Variants in TAOK3 observed in about 807,000 individuals in gnomAD.
The protein encoded by TAOK3 is TAO kinase 3.
In TAOK3, 40 loss-of-function variants were observed where a neutral mutation model predicts 120.4. The ratio of observed to expected loss-of-function variants is 0.33; its 90% confidence interval spans 0.26 to 0.43. The LOEUF is 0.43. Among genes scored for constraint, TAOK3 ranks in the 20% least tolerant of loss-of-function variants. The probability of loss-of-function intolerance (pLI) is 1.00; values close to 1 mark genes in which losing one functional copy is unlikely to be tolerated. For missense variants in TAOK3, 821 were observed against 1,112.1 expected, an observed-to-expected ratio of 0.74 and a Z score of 3.72; for synonymous variants, 355 against 387.5, an observed-to-expected ratio of 0.92 and a Z score of 0.99.
chr12:118,249,961 T>G (rs543995229), intron 3 of TAOK3, among the ~76,000 whole-genome samples: 1 of 152,220 alleles, frequency 6.6e-6, no homozygotes. Context: ...AGGTGGGTTA[T>G]GGATAATATA....
At chr12:118,368,865 A>G (rs1458943118) in intron 1 of TAOK3, among the ~76,000 whole-genome samples, 1 of 151,328 alleles carries the variant, frequency 6.6e-6, no homozygotes, top group Admixed American at 6.6e-5. Flanking sequence ...AAAAGTTTAA[A>G]TAAACAAAAG....
rs1007783139 is a variant in TAOK3, at chr12:118,161,696, T to C, written c.2139+92A>G. The C allele has an allele frequency of 6.5e-5, 98 of 1,517,742 alleles. No individual in the cohort carries two copies. Among genetic ancestry groups the C allele is most frequent in the South Asian group, 5.5e-4 (45 of 81,176 alleles). The allele number at this position is 1,517,742 out of a possible 1,614,324, so 94.0% of individuals were successfully genotyped here. On this transcript the variant is annotated intron_variant, in intron 18 of 20. Coordinates refer to ENST00000392533, the MANE Select transcript of TAOK3 (RefSeq NM_016281.4). The surrounding 1 kb of genome is among the most constrained non-coding windows in gnomAD (Gnocchi z 4.5). The stretch of plus-strand genomic sequence containing the variant: ...ACAATAGGTGTGGGGTGCAGAAATT[T>C]GTGATTCTGAAAAGTTGCTCAGGTG...
rs2045329317 is a variant in TAOK3 at position 118,354,911 on chromosome 12, T to TA, written c.-194+17736dup. 2.6e-5 allele frequency among the ~76,000 whole-genome samples: 4 copies of TA among 151,914 alleles called. No individual in the cohort carries two copies. In the South Asian group the frequency reaches 8.3e-4, roughly 32 times the overall value. On this transcript the variant is annotated intron_variant, in intron 1 of 20. Coordinates refer to ENST00000392533, the MANE Select transcript of TAOK3 (RefSeq NM_016281.4). ...TATTAGCAGCGTGAAAACAGACTAA[T>TA]ACATCCTGTCTCTGCAATTTTTTTT...
intron 17 of TAOK3, among the ~76,000 whole-genome samples, chr12:118,165,497 C>A (rs893520811): frequency 6.6e-6 from 1 of 152,218 alleles, no homozygotes; most frequent in African/African-American, 2.4e-5. Context: ...ATACTGTCCA[C>A]AGAATACCTA....
intron 2 of TAOK3, among the ~76,000 whole-genome samples, chr12:118,263,353 A>AT (rs2140239613): frequency 6.6e-6 from 1 of 152,368 alleles, no homozygotes; most frequent in East Asian, 1.9e-4. Flanking sequence ...CAAATAGGTT[A>AT]TAGAACTAAA....
At chr12:118,214,824 C>T (rs192902598) in intron 9 of TAOK3, among the ~76,000 whole-genome samples, 1 of 151,132 alleles carries the variant, frequency 6.6e-6, no homozygotes, top group Admixed American at 6.6e-5. Flanking sequence ...CAGCTCACTA[C>T]AACCTCCGCC....
At chr12:118,362,317 T>TAAA (rs10652375) in intron 1 of TAOK3, among the ~76,000 whole-genome samples, 12,089 of 105,198 alleles carry the variant, frequency 0.11, 704 homozygotes, top group Middle Eastern at 0.18. Flanking sequence ...GCTGATGGGC[T>TAAA]AAAAAAAAAA....
intron 1 of TAOK3, among the ~76,000 whole-genome samples, chr12:118,322,718 C>CTTTTT (rs199608892): frequency 1.5e-3 from 145 of 93,800 alleles, no homozygotes; most frequent in South Asian, 2.2e-3. Context: ...ATTTAAAAAC[C>CTTTTT]TTTTTTTTTT....
chr12:118,348,842 TTTC>T (rs2044997738), intron 1 of TAOK3, among the ~76,000 whole-genome samples: 1 of 149,700 alleles, frequency 6.7e-6, no homozygotes, highest in Non-Finnish European at 1.5e-5. Flanking sequence ...AAAAAAATAA[TTTC>T]TTTTTTTTTT....
At chr12:118,262,199 C>G (rs1164573080) in intron 2 of TAOK3, among the ~76,000 whole-genome samples, 6 of 151,868 alleles carry the variant, frequency 4.0e-5, no homozygotes, top group Non-Finnish European at 8.8e-5. Flanking sequence ...AAATGAAAAT[C>G]AAGGCCAGGC....
chr12:118,233,282 T>G, intron 9 of TAOK3, among the ~76,000 whole-genome samples: 1 of 149,028 alleles, frequency 6.7e-6, no homozygotes, highest in South Asian at 2.2e-4. Flanking sequence ...GGGATAGCAT[T>G]AGGAGATATA....
At chr12:118,317,651 G>A (rs2043526651) in intron 1 of TAOK3, among the ~76,000 whole-genome samples, 1 of 151,984 alleles carries the variant, frequency 6.6e-6, no homozygotes, top group Admixed American at 6.6e-5. Flanking sequence ...TCAGGAGCTA[G>A]AAAACTTAAT....
chr12:118,288,635 G>A (rs1245713347), intron 1 of TAOK3, among the ~76,000 whole-genome samples: 1 of 152,162 alleles, frequency 6.6e-6, no homozygotes, highest in Admixed American at 6.5e-5. Flanking sequence ...ACATGCTTAA[G>A]CCAGGGGCGG....
chr12:118,371,421 T>C lies in TAOK3; in HGVS notation c.-194+1227A>G, dbSNP rs532599220. On this transcript the variant is annotated intron_variant, in intron 1 of 20. Transcript: ENST00000392533. The surrounding 1 kb of genome is among the most constrained non-coding windows in gnomAD (Gnocchi z 5.5). The stretch of plus-strand genomic sequence containing the variant: ...GAAGAGGTCAGGCCGCGCAGGTCTC[T>C]TGATCATTCCAAGATCTTTGTCCTG... Among the ~76,000 whole-genome samples the C allele has an allele frequency of 1.6e-4, 24 of 152,184 alleles. No individual in the cohort carries two copies. The highest frequency in any genetic ancestry group is 2.2e-4 in the Non-Finnish European group (15 of 68,014).
chr12:118,197,674 A>T (rs2139211889), intron 13 of TAOK3, among the ~76,000 whole-genome samples: 1 of 147,194 alleles, frequency 6.8e-6, no homozygotes, highest in Non-Finnish European at 1.5e-5. Context: ...ACAGCCCAGC[A>T]AAACCTTCTT....
chr12:118,319,023 A>C (rs2043590421), intron 1 of TAOK3, among the ~76,000 whole-genome samples: 1 of 152,230 alleles, frequency 6.6e-6, no homozygotes, highest in Non-Finnish European at 1.5e-5. Flanking sequence ...CTGAAAAAAA[A>C]CAGAACTCAG....
chr12:118,258,803 T>A (rs2041103893), intron 2 of TAOK3, among the ~76,000 whole-genome samples: 1 of 151,928 alleles, frequency 6.6e-6, no homozygotes, highest in Non-Finnish European at 1.5e-5. Flanking sequence ...ATCAAAGATA[T>A]ACCTTTTTGG....
Position 118,199,246 on chromosome 12 carries a change from A to G in TAOK3, c.999T>C (p.His333=). 1 of 1,613,882 alleles carries G rather than the reference A, an allele frequency of 6.2e-7. No individual in the cohort carries two copies. Among genetic ancestry groups the G allele is most frequent in the Non-Finnish European group, 8.5e-7 (1 of 1,179,830 alleles). ...CCATTTCCCTGTTCAGGCTGGTTCC[A>G]TGTTCACTGTCCTGTAAAAATGGGG... ...ESQEDEEDSE[H]GTSLNREMDS... The change falls in exon 13 of 21, where the codon CAT becomes CAC. Residue 333 remains histidine (H), a synonymous_variant. Transcript: ENST00000392533.
At chr12:118,291,878 G>T (rs1227699003) in intron 1 of TAOK3, among the ~76,000 whole-genome samples, 1 of 152,058 alleles carries the variant, frequency 6.6e-6, no homozygotes, top group Admixed American at 6.6e-5. Flanking sequence ...GCAGTGGCAT[G>T]ATCTCAGCTC....
Sources: gnomAD v4.1 joint callset for allele counts (sites outside exome capture counted in the v4.1 genomes callset) on GRCh38, gnomAD v4.1.1 for gene constraint, Gnocchi (gnomAD v3.1) non-coding constraint, MANE v1.5 for transcripts, NCBI Gene and HGNC (gene_info 2026-07-23, HGNC 2026-07-21) for gene names.